The following CLMN variants were observed in gnomAD, a reference collection of about 807,000 sequenced individuals.
CLMN encodes the protein calmin (calponin-like, transmembrane).
A neutral mutation model predicts 92.7 loss-of-function variants in CLMN; 57 were observed. That is an observed-to-expected ratio of 0.61 (90% CI 0.50 to 0.77). The LOEUF is 0.77. Among genes scored for constraint, CLMN ranks in the 30% least tolerant of loss-of-function variants. CLMN has a pLI of 0.00. For synonymous variants in CLMN, 466 were observed against 470.6 expected, an observed-to-expected ratio of 0.99 and a Z score of 0.13; for missense variants, 1,158 against 1,237.5, an observed-to-expected ratio of 0.94 and a Z score of 0.96.
At chr14:95,228,355 T>C (rs1419526782) in intron 2 of CLMN, among the ~76,000 whole-genome samples, 1 of 152,198 alleles carries the variant, frequency 6.6e-6, no homozygotes, top group Admixed American at 6.5e-5. Context: ...AATGTGCCAA[T>C]AATCAAAACA....
At chr14:95,292,184 C>T (rs1900594346) in intron 1 of CLMN, among the ~76,000 whole-genome samples, 2 of 152,074 alleles carry the variant, frequency 1.3e-5, no homozygotes, top group Admixed American at 6.5e-5. Flanking sequence ...TGTTAAAACT[C>T]GACACATTCA....
intron 6 of CLMN, among the ~76,000 whole-genome samples, chr14:95,211,165 C>T (rs1254969462): frequency 1.3e-5 from 2 of 152,242 alleles, no homozygotes; most frequent in African/African-American, 4.8e-5. Flanking sequence ...TAGACCATTC[C>T]TTGTATCAGT....
intron 6 of CLMN, 40 bp from the exon 7 acceptor site, chr14:95,210,919 G>GTAAAC (rs1897180524): frequency 6.7e-7 from 1 of 1,482,684 alleles, no homozygotes; most frequent in East Asian, 2.6e-5. Context: ...ATGCTGGTTA[G>GTAAAC]TAAACAGACT....
At chr14:95,224,981 T>C (rs1897666514) in intron 2 of CLMN, among the ~76,000 whole-genome samples, 1 of 152,152 alleles carries the variant, frequency 6.6e-6, no homozygotes, top group African/African-American at 2.4e-5. Context: ...AATGGCTCAA[T>C]GGTTGGGTGA....
At chr14:95,239,510 T>C (rs1231873260) in intron 1 of CLMN, among the ~76,000 whole-genome samples, 2 of 152,226 alleles carry the variant, frequency 1.3e-5, no homozygotes, top group Non-Finnish European at 1.5e-5. Context: ...TTTGGCGGTT[T>C]CTTTTAATCC....
Position 95,213,332 on chromosome 14 carries a change from T to C in CLMN, c.495A>G (p.Ser165=). Residue 165 remains serine, a synonymous_variant, in exon 6 of 13, where the codon TCA becomes TCG. Transcript: ENST00000298912. ...SLSPGSGGTD[S]DSSFPPTPTA... ...TGGGTGTGGGTGGGAAGGATGAGTC[T>C]GAGTCTGTGCCCCCTGAGCCAGGGG... 1 of 1,613,882 alleles carries C rather than the reference T, an allele frequency of 6.2e-7. No individual in the cohort carries two copies. Among genetic ancestry groups the C allele is most frequent in the Non-Finnish European group, 8.5e-7 (1 of 1,179,912 alleles).
chr14:95,303,641 G>C (rs1901153261), intron 1 of CLMN, among the ~76,000 whole-genome samples: 1 of 152,184 alleles, frequency 6.6e-6, no homozygotes, highest in Non-Finnish European at 1.5e-5. Context: ...ATTTCTCCTG[G>C]TAACCAGTAT....
Position 95,312,780 on chromosome 14 carries a change from TA to T in CLMN, c.82+6930del, listed in dbSNP as rs570372163. On this transcript the variant is annotated intron_variant, in intron 1 of 12. Transcript: ENST00000298912. The stretch of plus-strand genomic sequence containing the variant: ...GAGGCACGTGGCAGGGGTTCCAAGA[TA>T]ACACCTTAGTTCTGGGATGTGGGGG... 3.7e-3 allele frequency among the ~76,000 whole-genome samples: 558 copies of T among 152,324 alleles called. 7 individuals are homozygous for T. The highest frequency in any genetic ancestry group is 0.013 in the African/African-American group (539 of 41,570).
At chr14:95,296,007 G>A (rs1173096006) in intron 1 of CLMN, 2 of 152,230 alleles carry the variant, frequency 1.3e-5, no homozygotes, top group Admixed American at 6.5e-5. Context: ...GTCTCACTGG[G>A]CGAAAATCAA....
chr14:95,319,611 C>T (rs1901954885), intron 1 of CLMN, 100 bp downstream of exon 1: 2 of 964,858 alleles, frequency 2.1e-6, no homozygotes, highest in Admixed American at 2.5e-5. Context: ...AACGAGCGGC[C>T]GGCGAGCGGG....
chr14:95,285,737 C>A (rs1054899986), intron 1 of CLMN, among the ~76,000 whole-genome samples: 2 of 152,114 alleles, frequency 1.3e-5, no homozygotes. Flanking sequence ...ATATATGCTC[C>A]AGGATGAGGT....
intron 1 of CLMN, among the ~76,000 whole-genome samples, chr14:95,233,815 C>T (rs1211017903): frequency 6.6e-6 from 1 of 152,228 alleles, no homozygotes; most frequent in Non-Finnish European, 1.5e-5. Flanking sequence ...GATTCAGAGC[C>T]AACCCCTCTG....
At chr14:95,247,665 C>T (rs961726150) in intron 1 of CLMN, among the ~76,000 whole-genome samples, 6 of 152,158 alleles carry the variant, frequency 3.9e-5, no homozygotes. Context: ...CACTGATCCA[C>T]GTGGTAAGAG....
intron 8 of CLMN, among the ~76,000 whole-genome samples, chr14:95,209,151 T>A (rs1897125431): frequency 1.3e-5 from 2 of 152,238 alleles, no homozygotes; most frequent in South Asian, 4.1e-4. Context: ...ATATATAGGG[T>A]TCGGTACTAT....
In CLMN at chr14:95,203,129, C is replaced by A. The variant is rs1896934640; in HGVS notation, c.2220G>T (p.Leu740Phe). Residue 740 changes from leucine (L) to phenylalanine (F), a missense_variant, in exon 9 of 13, where the codon TTG becomes TTT. Coordinates refer to ENST00000298912, the MANE Select transcript of CLMN (RefSeq NM_024734.4). ...PHYEVPLAAV[L>F]EAYVEDPEDL... ...CCTCCGGGTCTTCTACATAAGCCTCCAAAACTGCAGCCAGGGGAACCTCAT... is the reference window on the plus strand; with the variant it reads ...CCTCCGGGTCTTCTACATAAGCCTCAAAAACTGCAGCCAGGGGAACCTCAT... The A allele has an allele frequency of 4.3e-6, 7 of 1,613,030 alleles. No homozygotes were observed. The highest frequency in any genetic ancestry group is 5.9e-6 in the Non-Finnish European group (7 of 1,180,018).
chr14:95,300,876 T>C (rs1901022872), intron 1 of CLMN, among the ~76,000 whole-genome samples: 1 of 152,360 alleles, frequency 6.6e-6, no homozygotes, highest in African/African-American at 2.4e-5. Context: ...GGAAAGAGCC[T>C]GGAACCGAGC....
chr14:95,201,676 A>C (rs1168305830), intron 9 of CLMN, among the ~76,000 whole-genome samples: 1 of 150,762 alleles, frequency 6.6e-6, no homozygotes, highest in African/African-American at 2.4e-5. Context: ...CTATCAACCC[A>C]TCATCTAGGT....
At chr14:95,300,301 C>T in intron 1 of CLMN, among the ~76,000 whole-genome samples, 1 of 152,208 alleles carries the variant, frequency 6.6e-6, no homozygotes, top group Admixed American at 6.5e-5. Context: ...CAAAAGTCAC[C>T]CCAACTCTGT....
At chr14:95,205,935 ACAATAAC>A (rs1451749615) in intron 8 of CLMN, among the ~76,000 whole-genome samples, 1 of 152,194 alleles carries the variant, frequency 6.6e-6, no homozygotes, top group African/African-American at 2.4e-5. Context: ...CCAATGGAAA[ACAATAAC>A]CAAGATGGTA....
Sources: allele counts gnomAD v4.1 joint callset (sites outside exome capture counted in the v4.1 genomes callset), GRCh38; gene constraint gnomAD v4.1.1; transcripts MANE v1.5; gene names NCBI Gene and HGNC (gene_info 2026-07-23, HGNC 2026-07-21).